SDK1: variants seen among roughly 807,000 people sequenced by gnomAD.
SDK1 encodes sidekick cell adhesion molecule 1.
A neutral mutation model predicts 245.5 loss-of-function variants in SDK1; 157 were observed. That is an observed-to-expected ratio of 0.64 (90% CI 0.56 to 0.73). SDK1 has a LOEUF of 0.73. SDK1 is among the 30% of genes least tolerant of loss of function. SDK1 has a pLI of 0.00. For missense variants in SDK1, 3,583 were observed against 3,002.3 expected, an observed-to-expected ratio of 1.19 and a Z score of -4.52; for synonymous variants, 1,647 against 1,278.5, an observed-to-expected ratio of 1.29 and a Z score of -6.15.
At chr7:3,692,832 G>A (rs1328500816) in intron 4 of SDK1, among the ~76,000 whole-genome samples, 1 of 151,990 alleles carries the variant, frequency 6.6e-6, no homozygotes, top group Non-Finnish European at 1.5e-5. Context: ...TATTTGTGTC[G>A]AGTTTACGTA....
intron 40 of SDK1, chr7:4,227,432 C>G: frequency 2.1e-6 from 1 of 471,020 alleles, no homozygotes. Flanking sequence ...AGGTAACTGT[C>G]TTTTTTTTAA....
rs34510123 is a variant in SDK1, at chr7:3,431,358, G to GTTTT, written c.298+129494_298+129497dup. Among the ~76,000 whole-genome samples the GTTTT allele has an allele frequency of 5.2e-3, 620 of 118,334 alleles. 4 individuals carry two copies. The highest frequency in any genetic ancestry group is 0.015 in the South Asian group (54 of 3,488). The allele number at this position is 118,334 out of a possible 152,430, so 77.6% of individuals were successfully genotyped here. A position where few individuals can be genotyped will look rare whatever the true frequency, so the allele number is the denominator to read the frequency against. ...TAGAATCACTCTGAAAATGTGGGAG[G>GTTTT]TTTTTTTTTTTTTTTTTTTTTTTAA... On this transcript the variant is annotated intron_variant, in intron 1 of 44. Transcript: ENST00000404826.
intron 1 of SDK1, among the ~76,000 whole-genome samples, chr7:3,571,986 A>G (rs911167650): frequency 6.6e-6 from 1 of 152,028 alleles, no homozygotes; most frequent in Admixed American, 6.6e-5. Context: ...GTTAGGAAAA[A>G]TTTTAAAATC....
At chr7:3,760,051 T>C (rs924156346) in intron 4 of SDK1, among the ~76,000 whole-genome samples, 1 of 152,226 alleles carries the variant, frequency 6.6e-6, no homozygotes, top group African/African-American at 2.4e-5. Flanking sequence ...CAAATTTGAC[T>C]GCACAAAAGA....
At chr7:3,421,017 A>T (rs981181309) in intron 1 of SDK1, among the ~76,000 whole-genome samples, 3 of 151,618 alleles carry the variant, frequency 2.0e-5, no homozygotes, top group African/African-American at 7.3e-5. Flanking sequence ...TGTACTGTTT[A>T]AGCAGCTTTG....
chr7:3,511,821 C>T (rs1782589462), intron 1 of SDK1, among the ~76,000 whole-genome samples: 1 of 148,872 alleles, frequency 6.7e-6, no homozygotes, highest in East Asian at 2.0e-4. Context: ...CTTTTTAGAG[C>T]AATTTTAGGT....
intron 5 of SDK1, among the ~76,000 whole-genome samples, chr7:3,858,239 A>T (rs35764173): frequency 6.6e-6 from 1 of 152,106 alleles, no homozygotes; most frequent in East Asian, 1.9e-4. Flanking sequence ...ATATAATATG[A>T]TATCATTTTT....
intron 1 of SDK1, among the ~76,000 whole-genome samples, chr7:3,453,938 A>T (rs147947209): frequency 3.3e-5 from 5 of 152,220 alleles, no homozygotes; most frequent in Admixed American, 6.5e-5. Context: ...AATCACATTC[A>T]TTTCCTGATT....
At chr7:4,147,816 G>A (rs1780080277) in intron 29 of SDK1, among the ~76,000 whole-genome samples, 1 of 152,102 alleles carries the variant, frequency 6.6e-6, no homozygotes, top group African/African-American at 2.4e-5. Flanking sequence ...CAAACGTTTT[G>A]ACTTCTTTCT....
chr7:4,222,952 G>A (rs1273649163), intron 40 of SDK1, among the ~76,000 whole-genome samples: 1 of 152,074 alleles, frequency 6.6e-6, no homozygotes, highest in African/African-American at 2.4e-5. Flanking sequence ...GGCCAAGGGG[G>A]AGGGAGCTGG....
At chr7:3,392,479 C>A (rs1490318094) in intron 1 of SDK1, among the ~76,000 whole-genome samples, 1 of 151,972 alleles carries the variant, frequency 6.6e-6, no homozygotes, top group East Asian at 1.9e-4. Context: ...TAGAATTTGT[C>A]ATTTTAACCA....
chr7:3,520,833 A>G (rs796896340), intron 1 of SDK1, among the ~76,000 whole-genome samples: 4 of 152,198 alleles, frequency 2.6e-5, no homozygotes, highest in African/African-American at 9.6e-5. Flanking sequence ...TTGCACAGCC[A>G]TATTTGTGAG....
chr7:3,865,104 T>C (rs760407159), intron 5 of SDK1, among the ~76,000 whole-genome samples: 40 of 151,598 alleles, frequency 2.6e-4, no homozygotes, highest in Non-Finnish European at 5.2e-4. Flanking sequence ...CTGACAGGAG[T>C]AGAAAGGAAG....
intron 4 of SDK1, among the ~76,000 whole-genome samples, chr7:3,666,767 G>A (rs773592086): frequency 1.3e-5 from 2 of 152,192 alleles, no homozygotes; most frequent in Non-Finnish European, 2.9e-5. Flanking sequence ...AAAAATCAAA[G>A]GAGAGACATC....
intron 20 of SDK1, among the ~76,000 whole-genome samples, chr7:4,068,701 G>T (rs1780054848): frequency 1.5e-5 from 2 of 137,736 alleles, no homozygotes; most frequent in Admixed American, 1.4e-4. Context: ...ACCTTTTTTA[G>T]GGTTTTTAAT....
chr7:4,113,346 G>A lies in SDK1; in HGVS notation c.3492G>A (p.Arg1164=), dbSNP rs1314438338. 2 of 1,613,866 alleles carry A rather than the reference G, an allele frequency of 1.2e-6. No individual in the cohort carries two copies. The highest frequency in any genetic ancestry group is 1.7e-6 in the Non-Finnish European group (2 of 1,180,032). ...CGAGCCCCTACAGTCCGTCTTCCCG[G>A]GTCATCCAGACCCTGCAGGCCCCAC... is the stretch of plus-strand genomic sequence containing the variant. ...VGPSPYSPSS[R]VIQTLQAPPD... Residue 1164 remains arginine (R), a synonymous_variant, in exon 24 of 45, where the codon CGG becomes CGA. Transcript: ENST00000404826.
chr7:3,779,933 C>A lies in SDK1; in HGVS notation c.714-41517C>A, dbSNP rs71527457. Among the ~76,000 whole-genome samples the A allele has an allele frequency of 3.4e-3, 455 of 133,910 alleles. 3 individuals are homozygous for A. Among genetic ancestry groups the A allele is most frequent in the African/African-American group, 0.013 (433 of 33,972 alleles). The allele number at this position is 133,910 out of a possible 152,430, so 87.9% of individuals were successfully genotyped here. ...CGGCCTGGGCGACAGAGGGAGACTC[C>A]GTCTCAAAAAAAAAAAAAAAAAAAA... On this transcript the variant is annotated intron_variant, in intron 4 of 44. Transcript: ENST00000404826.
intron 32 of SDK1, among the ~76,000 whole-genome samples, chr7:4,162,905 G>A (rs991535509): frequency 6.6e-6 from 1 of 152,218 alleles, no homozygotes; most frequent in Non-Finnish European, 1.5e-5. Flanking sequence ...GGACAAAACT[G>A]CCCAAGGAAG....
chr7:3,884,457 C>T (rs1172100337), intron 5 of SDK1, among the ~76,000 whole-genome samples: 7 of 152,152 alleles, frequency 4.6e-5, no homozygotes. Flanking sequence ...CTAACGTTTG[C>T]CTCTTTCTAC....
Sources: allele counts gnomAD v4.1 joint callset (sites outside exome capture counted in the v4.1 genomes callset), GRCh38; gene constraint gnomAD v4.1.1; transcripts MANE v1.5; gene names NCBI Gene and HGNC (gene_info 2026-07-23, HGNC 2026-07-21).